The following NXN variants were observed in gnomAD, a reference collection of about 807,000 sequenced individuals.
The protein encoded by NXN is nucleoredoxin 1.
NXN carries 16 observed loss-of-function variants against 48.6 expected under a neutral mutation model. The observed-to-expected ratio is 0.33, with a 90% CI of 0.22 to 0.50. NXN has a LOEUF of 0.50. Among genes scored for constraint, NXN ranks in the 20% least tolerant of loss-of-function variants. The pLI is 0.98. For synonymous variants in NXN, 281 were observed against 269.6 expected (o/e 1.04, Z -0.41); for missense variants, 492 against 605.5 (o/e 0.81, Z 1.97).
At chr17:811,996 C>T (rs545637738) in intron 5 of NXN, among the ~76,000 whole-genome samples, 233 of 138,514 alleles carry the variant, frequency 1.7e-3, no homozygotes, top group Middle Eastern at 4.3e-3. Context: ...GGCAAGATCT[C>T]GGCTCACTGC....
At chr17:943,531 A>G (rs532617110) in intron 1 of NXN, among the ~76,000 whole-genome samples, 1 of 152,220 alleles carries the variant, frequency 6.6e-6, no homozygotes, top group Non-Finnish European at 1.5e-5. Flanking sequence ...CTTCAAAAGA[A>G]TATTACCGGG....
intron 1 of NXN, among the ~76,000 whole-genome samples, chr17:901,170 C>G (rs2068534225): frequency 6.6e-6 from 1 of 152,148 alleles, no homozygotes; most frequent in Admixed American, 6.5e-5. Flanking sequence ...ATCTGCCCGC[C>G]TCGGCCTCCC....
intron 1 of NXN, among the ~76,000 whole-genome samples, chr17:853,999 C>T (rs367925070): frequency 1.3e-5 from 2 of 151,912 alleles, no homozygotes; most frequent in Non-Finnish European, 1.5e-5. Context: ...GGATAACAGG[C>T]GTGAGCCACT....
intron 1 of NXN, among the ~76,000 whole-genome samples, chr17:867,060 C>T (rs1245352410): frequency 3.4e-5 from 4 of 118,456 alleles, no homozygotes; most frequent in Non-Finnish European, 5.3e-5. Context: ...TCAGCAAGTT[C>T]TCGGGGTTCT....
intron 1 of NXN, among the ~76,000 whole-genome samples, chr17:971,020 CA>C (rs1356561085): frequency 6.7e-6 from 1 of 149,560 alleles, no homozygotes; most frequent in African/African-American, 2.5e-5. Flanking sequence ...GATCTCGGCT[CA>C]ATGCAACCTC....
chr17:872,950 T>C (rs1222838044), intron 1 of NXN, among the ~76,000 whole-genome samples: 1 of 152,070 alleles, frequency 6.6e-6, no homozygotes, highest in Non-Finnish European at 1.5e-5. Context: ...AGACTCGGAA[T>C]ATAAAGCAGA....
At chr17:945,489 G>T (rs2069032431) in intron 1 of NXN, among the ~76,000 whole-genome samples, 1 of 151,484 alleles carries the variant, frequency 6.6e-6, no homozygotes, top group South Asian at 2.1e-4. Context: ...AAATTAGCCG[G>T]GCGTGGTGGC....
intron 5 of NXN, among the ~76,000 whole-genome samples, chr17:818,376 C>T (rs1050067460): frequency 4.0e-4 from 61 of 152,202 alleles, no homozygotes; most frequent in African/African-American, 1.3e-3. Context: ...TCAGCCCTCA[C>T]TATCACGCCT....
chr17:853,200 C>T (rs1162584665), intron 1 of NXN, among the ~76,000 whole-genome samples: 1 of 152,058 alleles, frequency 6.6e-6, no homozygotes, highest in Non-Finnish European at 1.5e-5. Context: ...GCCTGGAATC[C>T]CGGTACTTTG....
intron 1 of NXN, among the ~76,000 whole-genome samples, chr17:916,968 C>T (rs1007124978): frequency 1.3e-5 from 2 of 152,220 alleles, no homozygotes; most frequent in African/African-American, 4.8e-5. Context: ...TGTAAATTTT[C>T]AAACCACCTT....
intron 1 of NXN, among the ~76,000 whole-genome samples, chr17:847,509 T>G (rs1177870958): frequency 6.6e-6 from 1 of 152,132 alleles, no homozygotes; most frequent in Non-Finnish European, 1.5e-5. Flanking sequence ...AGCGGTAATG[T>G]CACCTCACTG....
At position 812,853 on chromosome 17, in the gene NXN, T is replaced by C. The variant is rs535662474; in HGVS notation, c.820+6586A>G. ...GCATGTGTGAGTGTAGGTGTGTGCA[T>C]GTGTGTAGGTGTGTGTGGGTGTGTG... On this transcript the variant is annotated intron_variant, in intron 5 of 7. Transcript: ENST00000336868. Among the ~76,000 whole-genome samples, 31 of 134,360 alleles carry C rather than the reference T, an allele frequency of 2.3e-4. 1 individual carries two copies. The East Asian group carries it at 7.9e-3, about 34-fold the overall frequency. 88.1% of individuals were successfully genotyped at this position (134,360 alleles called of 152,430 possible).
chr17:951,125 T>A (rs2069104148), intron 1 of NXN, among the ~76,000 whole-genome samples: 1 of 141,098 alleles, frequency 7.1e-6, no homozygotes, highest in South Asian at 2.2e-4. Flanking sequence ...TCTTTTGAGG[T>A]TAGAAGTTCG....
intron 1 of NXN, among the ~76,000 whole-genome samples, chr17:902,289 C>T (rs953466743): frequency 8.5e-5 from 13 of 152,180 alleles, no homozygotes; most frequent in Admixed American, 1.3e-4. Context: ...GAAACCGTTC[C>T]GGTAACAGAA....
Position 851,202 on chromosome 17 carries a change from C to T in NXN, c.361-25124G>A, listed in dbSNP as rs537273602. On this transcript the variant is annotated intron_variant, in intron 1 of 7. Coordinates refer to ENST00000336868, the MANE Select transcript of NXN (RefSeq NM_022463.5). ...CAGAGAAAGGTCTGTGTCCAAAAGC[C>T]GGGGGATGCGGTGGGGAGGCCGGGG... Among the ~76,000 whole-genome samples the T allele has an allele frequency of 8.5e-5, 13 of 152,336 alleles. No homozygotes were observed. In the South Asian group the frequency reaches 2.5e-3, roughly 29 times the overall value.
chr17:976,156 T>G (rs2069455049), intron 1 of NXN, among the ~76,000 whole-genome samples: 1 of 151,604 alleles, frequency 6.6e-6, no homozygotes, highest in African/African-American at 2.4e-5. Context: ...ACAGGACAAT[T>G]TTGTATAAAG....
chr17:901,448 T>C (rs997906904), intron 1 of NXN, among the ~76,000 whole-genome samples: 2 of 152,212 alleles, frequency 1.3e-5, no homozygotes, highest in African/African-American at 4.8e-5. Flanking sequence ...CTCCCGGCTC[T>C]GCCAGATCCC....
At chr17:918,732 G>C (rs984544699) in intron 1 of NXN, among the ~76,000 whole-genome samples, 1 of 143,850 alleles carries the variant, frequency 7.0e-6, no homozygotes, top group African/African-American at 2.6e-5. Flanking sequence ...GGCAGAGGCT[G>C]CAGTGAGCTG....
intron 5 of NXN, among the ~76,000 whole-genome samples, chr17:812,867 TGTG>T (rs1912213371): frequency 1.3e-5 from 2 of 149,414 alleles, no homozygotes; most frequent in Admixed American, 1.3e-4. Context: ...TGTAGGTGTG[TGTG>T]GGTGTGTGCG....
Sources: gnomAD v4.1 joint callset for allele counts (sites outside exome capture counted in the v4.1 genomes callset) on GRCh38, gnomAD v4.1.1 for gene constraint, MANE v1.5 for transcripts, NCBI Gene and HGNC (gene_info 2026-07-23, HGNC 2026-07-21) for gene names.